DNAJC3: variants seen among roughly 807,000 people sequenced by gnomAD.
The protein encoded by DNAJC3 is DnaJ heat shock protein family (Hsp40) member C3.
In DNAJC3, 38 loss-of-function variants were observed where a neutral mutation model predicts 68.6. The observed-to-expected ratio is 0.55, with a 90% CI of 0.43 to 0.73. The LOEUF is 0.73. Among genes scored for constraint, DNAJC3 ranks in the 30% least tolerant of loss-of-function variants. The probability of loss-of-function intolerance (pLI) is 0.00; values close to 1 mark genes in which losing one functional copy is unlikely to be tolerated. For synonymous variants in DNAJC3, 203 were observed against 204.0 expected, an observed-to-expected ratio of 1.00 and a Z score of 0.04; for missense variants, 526 against 591.9, an observed-to-expected ratio of 0.89 and a Z score of 1.16.
intron 4 of DNAJC3, among the ~76,000 whole-genome samples, chr13:95,741,146 C>T (rs757963508): frequency 1.3e-5 from 2 of 152,116 alleles, no homozygotes; most frequent in Admixed American, 6.5e-5. Context: ...TTTAAGTTCT[C>T]ATGTTGATAT....
chr13:95,691,968 TCAGG>T (rs1880281528), intron 1 of DNAJC3, among the ~76,000 whole-genome samples: 1 of 151,940 alleles, frequency 6.6e-6, no homozygotes, highest in Non-Finnish European at 1.5e-5. Context: ...GGCAGGAGAA[TCAGG>T]CAGGGAGGTT....
At chr13:95,764,728 A>G (rs1028445759) in intron 9 of DNAJC3, among the ~76,000 whole-genome samples, 54 of 140,908 alleles carry the variant, frequency 3.8e-4, no homozygotes, top group Non-Finnish European at 7.6e-4. Context: ...ACACATATAT[A>G]TATATACATA....
At chr13:95,730,832 A>G (rs1323417641) in intron 4 of DNAJC3, among the ~76,000 whole-genome samples, 4 of 151,974 alleles carry the variant, frequency 2.6e-5, no homozygotes, top group African/African-American at 7.3e-5. Context: ...TGTTTTTTCT[A>G]TTTCTGTGAA....
At chr13:95,790,787 C>T in intron 11 of DNAJC3, 86 bp from the exon 12 acceptor site, 2 of 1,372,828 alleles carry the variant, frequency 1.5e-6, no homozygotes, top group Non-Finnish European at 2.0e-6. Context: ...TCAAGCCCAC[C>T]CACCCTCCTC....
intron 4 of DNAJC3, among the ~76,000 whole-genome samples, chr13:95,746,389 G>T (rs975987056): frequency 6.6e-6 from 1 of 152,186 alleles, no homozygotes; most frequent in Non-Finnish European, 1.5e-5. Context: ...AAAGTGTAAA[G>T]TGTAGACTTT....
chr13:95,737,158 C>T (rs1162081151), intron 4 of DNAJC3, among the ~76,000 whole-genome samples: 21 of 150,360 alleles, frequency 1.4e-4, no homozygotes, highest in Non-Finnish European at 2.7e-4. Context: ...GCCTTGCATC[C>T]CAGGGATGAA....
chr13:95,723,174 G>A (rs1881393054), intron 2 of DNAJC3, 68 bp from the exon 3 acceptor site: 1 of 1,441,722 alleles, frequency 6.9e-7, no homozygotes, highest in Non-Finnish European at 9.4e-7. Context: ...CTGTCCAGGT[G>A]ATTTGTTTTT....
chr13:95,785,859 T>G (rs746926568), intron 9 of DNAJC3, 80 bp from the exon 10 acceptor site: 1 of 1,364,550 alleles, frequency 7.3e-7, no homozygotes, highest in Non-Finnish European at 9.8e-7. Flanking sequence ...ATGACGACTT[T>G]AGCATCAATT....
chr13:95,735,829 G>T (rs1881895159), intron 4 of DNAJC3, among the ~76,000 whole-genome samples: 1 of 152,108 alleles, frequency 6.6e-6, no homozygotes, highest in African/African-American at 2.4e-5. Context: ...AGTTTAATTA[G>T]ATCCCATTTG....
intron 9 of DNAJC3, among the ~76,000 whole-genome samples, chr13:95,768,226 A>C (rs1039464240): frequency 6.6e-6 from 1 of 152,216 alleles, no homozygotes; most frequent in Non-Finnish European, 1.5e-5. Context: ...TATCTGTAAA[A>C]TAGGAATAAG....
intron 4 of DNAJC3, among the ~76,000 whole-genome samples, chr13:95,740,402 C>A (rs1417314788): frequency 1.7e-3 from 246 of 143,326 alleles, no homozygotes; most frequent in African/African-American, 4.5e-3. Flanking sequence ...GGGCGCCCCT[C>A]CCCCAGCCTC....
chr13:95,742,033 C>T (rs1364272559), intron 4 of DNAJC3, among the ~76,000 whole-genome samples: 1 of 152,192 alleles, frequency 6.6e-6, no homozygotes, highest in Non-Finnish European at 1.5e-5. Flanking sequence ...AGTGGCTGTG[C>T]TGCAGTCCTG....
At chr13:95,695,865 T>C (rs1418391603) in intron 1 of DNAJC3, among the ~76,000 whole-genome samples, 1 of 152,234 alleles carries the variant, frequency 6.6e-6, no homozygotes, top group Non-Finnish European at 1.5e-5. Context: ...GAAGTTGTAA[T>C]TAAACTATTC....
chr13:95,741,598 TGGGTCCG>T, intron 4 of DNAJC3, among the ~76,000 whole-genome samples: 1 of 152,102 alleles, frequency 6.6e-6, no homozygotes, highest in African/African-American at 2.4e-5. Context: ...GACAGGTGGG[TGGGTCCG>T]TGGGTCCCTG....
At chr13:95,677,408 C>T (rs1481393758) in intron 1 of DNAJC3, 71 bp downstream of exon 1, 20 of 1,471,726 alleles carry the variant, frequency 1.4e-5, no homozygotes, top group Non-Finnish European at 1.8e-5. Flanking sequence ...CCGTCTGCGC[C>T]CGGGCGCCTG....
At chr13:95,752,665 A>C (rs910663283) in intron 4 of DNAJC3, among the ~76,000 whole-genome samples, 3 of 152,190 alleles carry the variant, frequency 2.0e-5, no homozygotes, top group African/African-American at 7.2e-5. Flanking sequence ...ACTCTCTGTT[A>C]TAATAAAATG....
chr13:95,771,881 A>G (rs1413338997), intron 9 of DNAJC3, among the ~76,000 whole-genome samples: 2 of 149,190 alleles, frequency 1.3e-5, no homozygotes, highest in Non-Finnish European at 3.0e-5. Flanking sequence ...ACAGCCATGT[A>G]TAGTATGTTC....
chr13:95,681,968 C>A (rs181271925), intron 1 of DNAJC3, among the ~76,000 whole-genome samples: 1 of 152,270 alleles, frequency 6.6e-6, no homozygotes, highest in Admixed American at 6.5e-5. Context: ...TGTCTCTATT[C>A]CCAGATAAAT....
At chr13:95,690,658 G>C (rs868762570) in intron 1 of DNAJC3, among the ~76,000 whole-genome samples, 3 of 130,420 alleles carry the variant, frequency 2.3e-5, no homozygotes, top group Admixed American at 1.5e-4. Context: ...CTGGCCGGGC[G>C]GGGGGCTGAC....
Sources: allele counts gnomAD v4.1 joint callset (sites outside exome capture counted in the v4.1 genomes callset), GRCh38; gene constraint gnomAD v4.1.1; transcripts MANE v1.5; gene names NCBI Gene and HGNC (gene_info 2026-07-23, HGNC 2026-07-21).